The following CFTR variants were observed in gnomAD, a reference collection of about 807,000 sequenced individuals.
CFTR encodes CF transmembrane conductance regulator.
A neutral mutation model predicts 171.6 loss-of-function variants in CFTR; 181 were observed. That is an observed-to-expected ratio of 1.05 (90% CI 0.93 to 1.19). The LOEUF (loss-of-function observed/expected upper bound fraction) is 1.19, where lower values mean the gene tolerates loss of function less well. CFTR is among the 50% of genes most tolerant of loss of function. The pLI is 0.00. For missense variants in CFTR, 1,968 were observed against 1,734.7 expected (o/e 1.13, Z -2.39); for synonymous variants, 583 against 608.0 (o/e 0.96, Z 0.60).
chr7:117,559,426 T>C (rs1562898274), intron 10 of CFTR, 38 bp from the exon 11 acceptor site: 2 of 1,345,142 alleles, frequency 1.5e-6, no homozygotes, highest in East Asian at 4.6e-5. Flanking sequence ...CTGAGCGTGA[T>C]TTGATAATGA....
intron 11 of CFTR, among the ~76,000 whole-genome samples, chr7:117,577,514 G>A (rs1791789875): frequency 6.6e-6 from 1 of 152,000 alleles, no homozygotes; most frequent in Non-Finnish European, 1.5e-5. Context: ...TGCAGTCATG[G>A]GATATATGAT....
At chr7:117,593,372 C>G (rs1160036803) in intron 14 of CFTR, among the ~76,000 whole-genome samples, 1 of 151,912 alleles carries the variant, frequency 6.6e-6, no homozygotes, top group Admixed American at 6.6e-5. Context: ...ATGAAATGAG[C>G]CATGGGCAGG....
intron 9 of CFTR, among the ~76,000 whole-genome samples, chr7:117,544,093 C>G (rs1799100026): frequency 1.3e-5 from 2 of 152,164 alleles, no homozygotes. Context: ...TTGAACTCCT[C>G]CTGATTTAAC....
chr7:117,520,824 A>G (rs1346661763), intron 3 of CFTR, among the ~76,000 whole-genome samples: 1 of 151,928 alleles, frequency 6.6e-6, no homozygotes, highest in Non-Finnish European at 1.5e-5. Flanking sequence ...GGTATTGTGC[A>G]TGGTATTAGG....
At chr7:117,486,999 G>A (rs1194922280) in intron 1 of CFTR, among the ~76,000 whole-genome samples, 1 of 151,794 alleles carries the variant, frequency 6.6e-6, no homozygotes, top group Non-Finnish European at 1.5e-5. Context: ...GAAGAGTTAA[G>A]GATAACATCT....
At chr7:117,598,704 A>G (rs1792176615) in intron 15 of CFTR, among the ~76,000 whole-genome samples, 1 of 152,210 alleles carries the variant, frequency 6.6e-6, no homozygotes, top group South Asian at 2.1e-4. Context: ...TTGATGCAAG[A>G]TGCAGTGTAG....
chr7:117,612,027 A>G (rs868613877), intron 20 of CFTR, among the ~76,000 whole-genome samples: 1,497 of 65,712 alleles, frequency 0.023, 36 homozygotes, highest in African/African-American at 0.041. Flanking sequence ...ATATATGTAT[A>G]TATATATATA....
At chr7:117,509,841 C>T (rs938047452) in intron 3 of CFTR, among the ~76,000 whole-genome samples, 1 of 152,064 alleles carries the variant, frequency 6.6e-6, no homozygotes, top group African/African-American at 2.4e-5. Context: ...TAAAAGGAGA[C>T]AGATTCAAGA....
chr7:117,605,769 T>C (rs1792291807), intron 17 of CFTR, among the ~76,000 whole-genome samples: 1 of 152,138 alleles, frequency 6.6e-6, no homozygotes, highest in South Asian at 2.1e-4. Flanking sequence ...CCAGTTTGGC[T>C]GAAACAGGAT....
intron 1 of CFTR, among the ~76,000 whole-genome samples, chr7:117,488,888 A>C (rs756665): frequency 0.55 from 83,245 of 151,824 alleles, 25,347 homozygotes; most frequent in African/African-American, 0.83. Context: ...TGTCAGCCAC[A>C]AGGCCCAGGA....
rs1562915149 is a variant in CFTR at position 117,612,043 on chromosome 7, AT to A, written c.3367+236del. 5.0e-3 allele frequency among the ~76,000 whole-genome samples: 358 copies of A among 72,242 alleles called. 8 individuals carry two copies. The highest frequency in any genetic ancestry group is 7.8e-3 in the Non-Finnish European group (274 of 35,064). The allele number at this position is 72,242 out of a possible 152,430, so 47.4% of individuals were successfully genotyped here. On this transcript the variant is annotated intron_variant, in intron 20 of 26. Coordinates refer to ENST00000003084, the MANE Select transcript of CFTR (RefSeq NM_000492.4). Reference sequence around the variant, plus strand: ...TATATGTATATATATATATATATATATATATATATACATATATATATATAGT... The same window carrying A: ...TATATGTATATATATATATATATATAATATATATACATATATATATATAGT...
At chr7:117,544,835 A>C (rs565837265) in intron 9 of CFTR, among the ~76,000 whole-genome samples, 17 of 152,312 alleles carry the variant, frequency 1.1e-4, no homozygotes, top group Middle Eastern at 6.8e-3. Context: ...AGATTCTGCT[A>C]TCACCAATCT....
intron 18 of CFTR, among the ~76,000 whole-genome samples, chr7:117,608,006 G>C (rs1363743667): frequency 1.3e-5 from 2 of 152,140 alleles, no homozygotes; most frequent in African/African-American, 4.8e-5. Flanking sequence ...TATTACATCA[G>C]ATAAAAACTG....
intron 24 of CFTR, among the ~76,000 whole-genome samples, chr7:117,660,666 ATGTG>A (rs57950576): frequency 3.5e-4 from 52 of 149,208 alleles, no homozygotes; most frequent in African/African-American, 1.2e-3. Flanking sequence ...GGGGATATAT[ATGTG>A]TGTGTGTGTG....
chr7:117,649,519 AT>A (rs35134989), intron 23 of CFTR, among the ~76,000 whole-genome samples: 24 of 103,668 alleles, frequency 2.3e-4, no homozygotes, highest in East Asian at 3.7e-4. Context: ...ATATATATAT[AT>A]TTTTTTTTTC....
At chr7:117,512,933 A>G (rs567517838) in intron 3 of CFTR, among the ~76,000 whole-genome samples, 2 of 152,244 alleles carry the variant, frequency 1.3e-5, no homozygotes, top group African/African-American at 4.8e-5. Context: ...CACAAAATTA[A>G]AGGACATACA....
At chr7:117,536,175 A>ATC (rs1798951875) in intron 6 of CFTR, among the ~76,000 whole-genome samples, 1 of 152,224 alleles carries the variant, frequency 6.6e-6, no homozygotes, top group African/African-American at 2.4e-5. Context: ...GACAGAAAGT[A>ATC]TCTAAGTTTT....
intron 13 of CFTR, among the ~76,000 whole-genome samples, chr7:117,591,623 G>C (rs944981611): frequency 2.0e-5 from 3 of 152,004 alleles, no homozygotes; most frequent in Non-Finnish European, 4.4e-5. Context: ...TCATTTTCTA[G>C]ATAAATAAAC....
chr7:117,551,748 C>G (rs1013483742), intron 10 of CFTR, among the ~76,000 whole-genome samples: 4 of 152,184 alleles, frequency 2.6e-5, no homozygotes, highest in Non-Finnish European at 5.9e-5. Context: ...AATTTTGCAT[C>G]ACTGGATGCC....
Sources: gnomAD v4.1 joint callset for allele counts (sites outside exome capture counted in the v4.1 genomes callset) on GRCh38, gnomAD v4.1.1 for gene constraint, MANE v1.5 for transcripts, NCBI Gene and HGNC (gene_info 2026-07-23, HGNC 2026-07-21) for gene names.